Variants in CRISPLD2 observed in about 807,000 individuals in gnomAD.
CRISPLD2 encodes the protein cysteine-rich secretory protein LCCL domain-containing 2.
Under a neutral mutation model 71.1 loss-of-function variants are expected in CRISPLD2, and 47 were observed. That is an observed-to-expected ratio of 0.66 (90% CI 0.52 to 0.84). The LOEUF (loss-of-function observed/expected upper bound fraction) is 0.84. Ranked by LOEUF, CRISPLD2 falls within the 40% of genes least tolerant of loss-of-function variation. The pLI is 0.00. For missense variants in CRISPLD2, 830 were observed against 651.1 expected (o/e 1.27, Z -2.99); for synonymous variants, 317 against 250.1 (o/e 1.27, Z -2.52).
chr16:84,838,799 C>A, intron 2 of CRISPLD2, 64 bp downstream of exon 2: 1 of 1,551,230 alleles, frequency 6.4e-7, no homozygotes, highest in South Asian at 1.2e-5. Flanking sequence ...CCAGCCTGCT[C>A]TGTTCCCCAG....
intron 7 of CRISPLD2, among the ~76,000 whole-genome samples, chr16:84,868,429 G>A (rs180824065): frequency 4.6e-5 from 7 of 152,126 alleles, no homozygotes; most frequent in African/African-American, 1.2e-4. Context: ...CTGGGTCTCC[G>A]GCCCCACAGG....
chr16:84,836,576 C>T (rs1916626412), intron 1 of CRISPLD2: 1 of 152,196 alleles, frequency 6.6e-6, no homozygotes, highest in Non-Finnish European at 1.5e-5. Flanking sequence ...TCAGTCAGGA[C>T]CCTGGAGAGT....
At chr16:84,874,591 TC>T (rs2071502368) in intron 11 of CRISPLD2, among the ~76,000 whole-genome samples, 1 of 152,206 alleles carries the variant, frequency 6.6e-6, no homozygotes, top group Non-Finnish European at 1.5e-5. Context: ...TCCAGCTTCC[TC>T]CCCGGAGCTC....
In CRISPLD2 at chr16:84,893,762, C is replaced by A. The variant is rs144738469; in HGVS notation, c.1439+4399C>A. Among the ~76,000 whole-genome samples, 87 of 152,314 alleles carry A rather than the reference C, an allele frequency of 5.7e-4. 3 individuals are homozygous for A. The East Asian group carries it at 0.016, about 29-fold the overall frequency. On this transcript the variant is annotated intron_variant, in intron 14 of 14. Transcript: ENST00000262424. Reference sequence around the variant, plus strand: ...TGGGTGTGGCCATGCCCTGTCCTTTCCTTATTTAGGTGGGATCTCAGCCAC... The same window carrying A: ...TGGGTGTGGCCATGCCCTGTCCTTTACTTATTTAGGTGGGATCTCAGCCAC...
chr16:84,900,130 T>A lies in CRISPLD2; in HGVS notation c.1440-6458T>A, dbSNP rs113522817. ...CGGAGCCACCTGCGGCCAAGCGTTCTGCCTGGGTCTTGGCTCTTGGCGTTT... is the reference window on the plus strand; with the variant it reads ...CGGAGCCACCTGCGGCCAAGCGTTCAGCCTGGGTCTTGGCTCTTGGCGTTT... On this transcript the variant is annotated intron_variant, in intron 14 of 14. Coordinates refer to ENST00000262424, the MANE Select transcript of CRISPLD2 (RefSeq NM_031476.4). 8.4e-3 allele frequency among the ~76,000 whole-genome samples: 1,276 copies of A among 152,320 alleles called. 15 individuals are homozygous for A. The highest frequency in any genetic ancestry group is 0.028 in the African/African-American group (1,164 of 41,572).
intron 1 of CRISPLD2, among the ~76,000 whole-genome samples, chr16:84,833,167 G>T (rs1198518777): frequency 6.6e-6 from 1 of 152,194 alleles, no homozygotes; most frequent in Non-Finnish European, 1.5e-5. Context: ...GAGTCCAAAT[G>T]CATCTCAAAG....
chr16:84,871,526 C>T (rs2071468922), intron 8 of CRISPLD2, among the ~76,000 whole-genome samples: 1 of 152,044 alleles, frequency 6.6e-6, no homozygotes, highest in African/African-American at 2.4e-5. Context: ...GTGATGGAGT[C>T]AGACTCTTTC....
At chr16:84,885,483 G>T (rs2071604451) in intron 13 of CRISPLD2, among the ~76,000 whole-genome samples, 2 of 152,370 alleles carry the variant, frequency 1.3e-5, no homozygotes, top group South Asian at 4.1e-4. Flanking sequence ...GGGCTGAGGG[G>T]ATTCCTGTGT....
Position 84,838,216 on chromosome 16 carries a change from C to T in CRISPLD2, c.-74-206C>T, listed in dbSNP as rs527999985. On this transcript the variant is annotated intron_variant, in intron 1 of 14. Coordinates refer to ENST00000262424, the MANE Select transcript of CRISPLD2 (RefSeq NM_031476.4). ...TAGGTTATCCTCTTTGGAATCCTGA[C>T]AGCTTGCCTCGCTGGAAACCCTTGG... 2.0e-4 allele frequency among the ~76,000 whole-genome samples: 30 copies of T among 152,320 alleles called. No individual in the cohort carries two copies. The South Asian group carries it at 5.0e-3, about 25-fold the overall frequency.
chr16:84,846,333 A>G (rs763342906), intron 3 of CRISPLD2, among the ~76,000 whole-genome samples: 2 of 150,852 alleles, frequency 1.3e-5, no homozygotes, highest in African/African-American at 2.4e-5. Context: ...GCTCACTGCA[A>G]CCTCTGTCTC....
rs185705554 is a variant in CRISPLD2, at chr16:84,890,154, C to A, written c.1439+791C>A. Among the ~76,000 whole-genome samples, 462 of 151,708 alleles carry A rather than the reference C, an allele frequency of 3.0e-3. 2 individuals are homozygous for A. The highest frequency in any genetic ancestry group is 0.024 in the Admixed American group (361 of 15,240). ...CAGGCAGATCATGAGGTCAGGAGAT[C>A]GAGACCATCCTGGCTAACATGATGA... is the stretch of plus-strand genomic sequence containing the variant. On this transcript the variant is annotated intron_variant, in intron 14 of 14. Transcript: ENST00000262424.
In CRISPLD2 at chr16:84,889,310, G is replaced by A. The variant is rs1447382350; in HGVS notation, c.1386G>A (p.Val462=). Residue 462 remains valine, a synonymous_variant, in exon 14 of 15, where the codon GTG becomes GTA. Transcript: ENST00000262424. ...GGGGTGACGTGGACGTGATGCCCGT[G>A]GATAAAAAGAAGACCTACGTGGGCT... is the stretch of plus-strand genomic sequence containing the variant. ...ESGGDVDVMP[V]DKKKTYVGSL... 5 of 1,614,024 alleles carry A rather than the reference G, an allele frequency of 3.1e-6. No individual in the cohort carries two copies. The highest frequency in any genetic ancestry group is 1.7e-6 in the Non-Finnish European group (2 of 1,179,978).
At chr16:84,869,041 C>T in intron 8 of CRISPLD2, 130 bp downstream of exon 8, 1 of 775,634 alleles carries the variant, frequency 1.3e-6, no homozygotes, top group South Asian at 2.0e-5. Flanking sequence ...TCTCAGCAGG[C>T]AGAACAGGGG....
chr16:84,880,485 A>C, intron 12 of CRISPLD2, 24 bp from the exon 13 acceptor site: 2 of 1,602,428 alleles, frequency 1.2e-6, no homozygotes, highest in Non-Finnish European at 1.7e-6. Flanking sequence ...CAGACCCATC[A>C]CATAAATGCT....
chr16:84,822,772 C>T (rs1302119579), intron 1 of CRISPLD2, among the ~76,000 whole-genome samples: 1 of 152,130 alleles, frequency 6.6e-6, no homozygotes. Context: ...ACGCTGAGTT[C>T]TGGGACAGGC....
chr16:84,889,406 C>T lies in CRISPLD2; in HGVS notation c.1439+43C>T, dbSNP rs777067485. 15 of 1,574,324 alleles carry T rather than the reference C, an allele frequency of 9.5e-6. No individual in the cohort carries two copies. In the South Asian group the frequency reaches 1.3e-4, roughly 14 times the overall value. On this transcript the variant is annotated intron_variant, in intron 14 of 14. Transcript: ENST00000262424. Reference sequence around the variant, plus strand: ...AACCCTTGACACCCAATCCCGGCTGCTAATGGTCCCTCAGGGGGCCTGGGA... The same window carrying T: ...AACCCTTGACACCCAATCCCGGCTGTTAATGGTCCCTCAGGGGGCCTGGGA...
At chr16:84,830,109 G>A (rs1916451666) in intron 1 of CRISPLD2, among the ~76,000 whole-genome samples, 1 of 152,184 alleles carries the variant, frequency 6.6e-6, no homozygotes, top group Admixed American at 6.5e-5. Flanking sequence ...GATCACTTAA[G>A]CTCGGGAGTT....
At chr16:84,832,847 CCTCA>C (rs1304387830) in intron 1 of CRISPLD2, among the ~76,000 whole-genome samples, 3 of 152,248 alleles carry the variant, frequency 2.0e-5, no homozygotes, top group African/African-American at 7.2e-5. Context: ...GCTCCTTCTC[CCTCA>C]CTCACTTCTG....
chr16:84,842,363 C>G (rs978150921), intron 2 of CRISPLD2: 7 of 108,314 alleles, frequency 6.5e-5, no homozygotes, highest in African/African-American at 1.9e-4. Flanking sequence ...TTCTTTCCTT[C>G]CTTTCTTTCT....
Sources: allele counts gnomAD v4.1 joint callset (sites outside exome capture counted in the v4.1 genomes callset), GRCh38; gene constraint gnomAD v4.1.1; transcripts MANE v1.5; gene names NCBI Gene and HGNC (gene_info 2026-07-23, HGNC 2026-07-21).